The following ADGRF5 variants were observed in gnomAD, a reference collection of about 807,000 sequenced individuals.
The protein encoded by ADGRF5 is G-protein coupled receptor 116.
In ADGRF5, 75 loss-of-function variants were observed where a neutral mutation model predicts 132.3. The ratio of observed to expected loss-of-function variants is 0.57; its 90% CI spans 0.47 to 0.69. The LOEUF is 0.69. Among genes scored for constraint, ADGRF5 ranks in the 30% least tolerant of loss-of-function variants. The probability of loss-of-function intolerance (pLI) is 0.00; values close to 1 mark genes in which losing one functional copy is unlikely to be tolerated. For missense variants in ADGRF5, 1,516 were observed against 1,630.6 expected (o/e 0.93, Z 1.21); for synonymous variants, 629 against 597.6 (o/e 1.05, Z -0.77).
At chr6:46,935,235 C>T (rs544886244) in intron 1 of ADGRF5, among the ~76,000 whole-genome samples, 2 of 152,174 alleles carry the variant, frequency 1.3e-5, no homozygotes, top group East Asian at 3.9e-4. Context: ...GATCTCCTGA[C>T]CTCGTGATCC....
At chr6:46,926,416 G>A (rs1777242347), upstream of ADGRF5, among the ~76,000 whole-genome samples, 1 of 152,060 alleles carries the variant, frequency 6.6e-6, no homozygotes, top group African/African-American at 2.4e-5. Flanking sequence ...ACCCTTTTCT[G>A]GATTCTACTC....
At chr6:46,953,669 A>G (rs1422917146) in intron 1 of ADGRF5, among the ~76,000 whole-genome samples, 2 of 131,822 alleles carry the variant, frequency 1.5e-5, no homozygotes, top group African/African-American at 3.0e-5. Flanking sequence ...ATATATATAT[A>G]TATATATATA....
chr6:46,886,120 A>G (rs930942625), intron 4 of ADGRF5, among the ~76,000 whole-genome samples: 1 of 152,244 alleles, frequency 6.6e-6, no homozygotes, highest in Non-Finnish European at 1.5e-5. Flanking sequence ...AAGCTAGACC[A>G]AAGTCACATC....
chr6:46,940,653 A>T (rs2150942855), intron 1 of ADGRF5, among the ~76,000 whole-genome samples: 1 of 152,328 alleles, frequency 6.6e-6, no homozygotes, highest in East Asian at 1.9e-4. Flanking sequence ...TAAAGAGGCA[A>T]ACGCTTGACT....
rs1199050355 is a variant in ADGRF5 at position 46,866,818 on chromosome 6, A to G, written c.1834+107T>C. 5 of 660,508 alleles carry G rather than the reference A, an allele frequency of 7.6e-6. No individual in the cohort carries two copies. The Admixed American group carries it at 1.4e-4, about 18-fold the overall frequency. The allele number at this position is 660,508 out of a possible 1,614,324, so 40.9% of individuals were successfully genotyped here. ...CATGGGATTCTACTCTGTTAATTCT[A>G]TCTCTGATACAATCCTATGTCTCTT... On this transcript the variant is annotated intron_variant, in intron 13 of 20. Coordinates refer to ENST00000283296, the MANE Select transcript of ADGRF5 (RefSeq NM_001098518.2).
chr6:46,861,939 T>C (rs971868733), intron 15 of ADGRF5, among the ~76,000 whole-genome samples: 4 of 152,228 alleles, frequency 2.6e-5, no homozygotes, highest in African/African-American at 9.6e-5. Flanking sequence ...GCCTATTTTT[T>C]TCAAGCAGAT....
chr6:46,884,756 C>G (rs1319590222), intron 4 of ADGRF5, among the ~76,000 whole-genome samples: 1 of 152,206 alleles, frequency 6.6e-6, no homozygotes. Context: ...GTTGCTCTCT[C>G]TCTTTCTCTT....
In ADGRF5 at chr6:46,906,721, A is replaced by C. The variant is rs765956166; in HGVS notation, c.42T>G (p.Ile14Met). The C allele has an allele frequency of 6.2e-7, 1 of 1,608,854 alleles. No individual in the cohort carries two copies. Among genetic ancestry groups the C allele is most frequent in the African/African-American group, 1.3e-5 (1 of 74,818 alleles). The change falls in exon 2 of 21, where the codon ATT (isoleucine) becomes ATG (methionine). Residue 14 changes from isoleucine to methionine, a missense_variant. Transcript: ENST00000283296. ...GTGCAGCTTTGGAAGAATAAATCACAATAAACATGAGGCACAAAGTGGTTC... is the reference window on the plus strand; with the variant it reads ...GTGCAGCTTTGGAAGAATAAATCACCATAAACATGAGGCACAAAGTGGTTC... ...PRRTTLCLMF[I>M]VIYSSKAALN...
chr6:46,879,747 A>C, intron 9 of ADGRF5, 71 bp downstream of exon 9: 1 of 1,018,198 alleles, frequency 9.8e-7, no homozygotes, highest in Non-Finnish European at 1.6e-6. Context: ...TACGTAAAAC[A>C]CTATTACATA....
At chr6:46,936,576 A>G (rs1777839093) in intron 1 of ADGRF5, among the ~76,000 whole-genome samples, 1 of 151,724 alleles carries the variant, frequency 6.6e-6, no homozygotes, top group Admixed American at 6.6e-5. Flanking sequence ...CCATCATCAA[A>G]CATTTATTGA....
At chr6:46,914,181 T>C (rs1776226993) in intron 1 of ADGRF5, among the ~76,000 whole-genome samples, 1 of 152,154 alleles carries the variant, frequency 6.6e-6, no homozygotes, top group African/African-American at 2.4e-5. Context: ...ACTCTGCTCA[T>C]CTCCATGAGA....
At chr6:46,908,197 T>C (rs1174084976) in intron 1 of ADGRF5, among the ~76,000 whole-genome samples, 1 of 152,188 alleles carries the variant, frequency 6.6e-6, no homozygotes, top group Non-Finnish European at 1.5e-5. Context: ...CTCAATGGTT[T>C]GGGGGAAATG....
rs186236293 is a variant in ADGRF5 at position 46,885,760 on chromosome 6, T to C, written c.329-1489A>G. ...ATGTATGTTAGAGCATACCTCTATT[T>C]GTAGACTATTGTAGATATAGTTTAT... On this transcript the variant is annotated intron_variant, in intron 4 of 20. Coordinates refer to ENST00000283296, the MANE Select transcript of ADGRF5 (RefSeq NM_001098518.2). Among the ~76,000 whole-genome samples the C allele has an allele frequency of 3.3e-5, 5 of 152,366 alleles. No individual in the cohort carries two copies. In the East Asian group the frequency reaches 9.6e-4, roughly 29 times the overall value.
intron 15 of ADGRF5, 91 bp downstream of exon 15, chr6:46,862,797 G>A (rs1445157121): frequency 1.0e-5 from 6 of 587,328 alleles, no homozygotes; most frequent in East Asian, 5.1e-5. Flanking sequence ...ACACAAAGCA[G>A]CACCAAACCC....
At chr6:46,916,130 G>C (rs1350073716) in intron 1 of ADGRF5, among the ~76,000 whole-genome samples, 1 of 152,080 alleles carries the variant, frequency 6.6e-6, no homozygotes, top group East Asian at 1.9e-4. Context: ...AGTTTTAATT[G>C]TCAGTTTATG....
intron 17 of ADGRF5, among the ~76,000 whole-genome samples, chr6:46,857,525 T>C (rs1438245303): frequency 6.6e-6 from 1 of 152,194 alleles, no homozygotes; most frequent in African/African-American, 2.4e-5. Flanking sequence ...ATACCTCTGT[T>C]ATAGTTCTTC....
intron 1 of ADGRF5, among the ~76,000 whole-genome samples, chr6:46,934,864 T>C (rs570500954): frequency 6.6e-6 from 1 of 152,336 alleles, no homozygotes; most frequent in East Asian, 1.9e-4. Flanking sequence ...AAAAGTACAT[T>C]AATTAGCAGC....
intron 1 of ADGRF5, among the ~76,000 whole-genome samples, chr6:46,946,412 A>T (rs779770127): frequency 6.6e-6 from 1 of 152,238 alleles, no homozygotes; most frequent in Non-Finnish European, 1.5e-5. Context: ...GACAGAACAC[A>T]ATGTGAATGG....
intron 12 of ADGRF5, among the ~76,000 whole-genome samples, chr6:46,868,574 T>G (rs1333440868): frequency 6.6e-6 from 1 of 152,182 alleles, no homozygotes; most frequent in Non-Finnish European, 1.5e-5. Context: ...CACTCCCTAG[T>G]GTCTAGTGAA....
Sources: gnomAD v4.1 joint callset for allele counts (sites outside exome capture counted in the v4.1 genomes callset) on GRCh38, gnomAD v4.1.1 for gene constraint, MANE v1.5 for transcripts, NCBI Gene and HGNC (gene_info 2026-07-23, HGNC 2026-07-21) for gene names.